CARD10: variants seen among roughly 807,000 people sequenced by gnomAD.
CARD10 encodes the protein caspase recruitment domain-containing protein 10.
CARD10 carries 49 observed loss-of-function variants against 114.6 expected under a neutral mutation model. The observed-to-expected ratio is 0.43, with a 90% CI of 0.34 to 0.54. CARD10 has a LOEUF of 0.54. Among genes scored for constraint, CARD10 ranks in the 20% least tolerant of loss-of-function variants. The pLI, the probability that CARD10 is intolerant of heterozygous loss-of-function variation, is 0.03. For synonymous variants in CARD10, 602 were observed against 593.2 expected (o/e 1.01, Z -0.21); for missense variants, 1,206 against 1,397.2 (o/e 0.86, Z 2.18).
In CARD10 at chr22:37,519,401, G is replaced by C; in HGVS notation, c.-201C>G. On this transcript the variant is annotated 5_prime_UTR_variant, in exon 1 of 20. Coordinates refer to ENST00000251973, the MANE Select transcript of CARD10 (RefSeq NM_014550.4). This position sits in a 1 kb window ranked among gnomAD's most constrained non-coding sequence, Gnocchi z 4.1. ...CCGCACTCGGGCGGCGGCTCCGCCG[G>C]CGCAGGGGGGCGGTGCCCGTGGCGC... The C allele has an allele frequency of 8.4e-7, 1 of 1,189,744 alleles. No homozygotes were observed. The highest frequency in any genetic ancestry group is 1.0e-6 in the Non-Finnish European group (1 of 961,234). 73.7% of individuals were successfully genotyped at this position (1,189,744 alleles called of 1,614,324 possible).
At chr22:37,518,161 T>G (rs1344087918) in intron 1 of CARD10, 53 bp from the exon 2 acceptor site, 1 of 1,581,756 alleles carries the variant, frequency 6.3e-7, no homozygotes, top group African/African-American at 1.3e-5. Flanking sequence ...CCTCCCCAGG[T>G]GCCTGGTTGC....
At chr22:37,509,140 A>C in intron 4 of CARD10, 1 of 1,485,130 alleles carries the variant, frequency 6.7e-7, no homozygotes, top group African/African-American at 1.4e-5. Context: ...CCCACACCCC[A>C]GCCAAGTGCC....
intron 11 of CARD10, among the ~76,000 whole-genome samples, chr22:37,500,998 C>G (rs1184433265): frequency 6.6e-6 from 1 of 152,100 alleles, no homozygotes; most frequent in Non-Finnish European, 1.5e-5. Flanking sequence ...CAAGGTCCCA[C>G]AGTAGCAAGT....
intron 11 of CARD10, 65 bp downstream of exon 11, chr22:37,502,537 A>C (rs1159673558): frequency 1.3e-6 from 2 of 1,544,092 alleles, no homozygotes; most frequent in African/African-American, 2.8e-5. Flanking sequence ...TGCTCCTCCC[A>C]CCTCACTCCT....
intron 3 of CARD10, among the ~76,000 whole-genome samples, chr22:37,512,544 A>G (rs935488483): frequency 6.7e-6 from 1 of 149,388 alleles, no homozygotes; most frequent in Admixed American, 6.7e-5. Flanking sequence ...GGGTCAGGCA[A>G]TTCTACAAAT....
intron 3 of CARD10, chr22:37,512,318 T>C (rs1400921702): frequency 6.6e-6 from 1 of 152,074 alleles, no homozygotes; most frequent in Non-Finnish European, 1.5e-5. Flanking sequence ...GGCCATAAAA[T>C]GAAGTCATTG....
rs1325234114 is a variant in CARD10 at position 37,519,207 on chromosome 22, G to A, written c.-7C>T. 3 of 1,510,110 alleles carry A rather than the reference G, an allele frequency of 2.0e-6. No individual in the cohort carries two copies. The highest frequency in any genetic ancestry group is 2.6e-6 in the Non-Finnish European group (3 of 1,132,746). 93.5% of individuals were successfully genotyped at this position (1,510,110 alleles called of 1,614,324 possible). On this transcript the variant is annotated 5_prime_UTR_variant, in exon 1 of 20. Coordinates refer to ENST00000251973, the MANE Select transcript of CARD10 (RefSeq NM_014550.4). The surrounding 1 kb of genome is among the most constrained non-coding windows in gnomAD (Gnocchi z 4.1). The stretch of plus-strand genomic sequence containing the variant: ...CCTCCGCCCGGCCCGGCATGGCCGT[G>A]TCCTCAGGGTCTGCGGGCAAGAGGC...
At chr22:37,517,740 C>T (rs1294457049) in intron 2 of CARD10, among the ~76,000 whole-genome samples, 2 of 152,140 alleles carry the variant, frequency 1.3e-5, no homozygotes, top group African/African-American at 2.4e-5. Context: ...AACAGTATCA[C>T]GAAGAAAGAG....
Position 37,518,089 on chromosome 22 carries a change from C to T in CARD10, c.255G>A (p.Leu85=). ...CATAGCCCCTCTTGCCACGGCAGCGCAAGATGTCCATCAGGCGCCCTACAG... is the reference window on the plus strand; with the variant it reads ...CATAGCCCCTCTTGCCACGGCAGCGTAAGATGTCCATCAGGCGCCCTACAG... ...VNRTGRLMDI[L]RCRGKRGYEA... The change falls in exon 2 of 20, where the codon TTG becomes TTA. Residue 85 remains leucine (L), a synonymous_variant. Coordinates refer to ENST00000251973, the MANE Select transcript of CARD10 (RefSeq NM_014550.4). 6.2e-7 allele frequency: 1 copy of T among 1,613,900 alleles called. No individual in the cohort carries two copies. Among genetic ancestry groups the T allele is most frequent in the Non-Finnish European group, 8.5e-7 (1 of 1,179,900 alleles).
At chr22:37,510,445 C>T (rs1601817339) in intron 3 of CARD10, 24 bp from the exon 4 acceptor site, 1 of 1,607,262 alleles carries the variant, frequency 6.2e-7, no homozygotes, top group Non-Finnish European at 8.5e-7. Context: ...CATGGGTCAG[C>T]CCAGAGGGAG....
At chr22:37,508,935 G>T in intron 4 of CARD10, 1 of 1,484,038 alleles carries the variant, frequency 6.7e-7, no homozygotes, top group South Asian at 1.2e-5. Context: ...AGAAGGGTGT[G>T]ACTGGACAAG....
chr22:37,518,286 G>A (rs1274845137), intron 1 of CARD10, among the ~76,000 whole-genome samples, 178 bp from the exon 2 acceptor site: 3 of 152,116 alleles, frequency 2.0e-5, no homozygotes, highest in Non-Finnish European at 4.4e-5. Flanking sequence ...GCCACAGCCA[G>A]GGGAGCACAT....
Position 37,497,108 on chromosome 22 carries a change from C to T in CARD10, c.1858G>A (p.Gly620Arg). 6.2e-7 allele frequency: 1 copy of T among 1,614,254 alleles called. No homozygotes were observed. The highest frequency in any genetic ancestry group is 8.5e-7 in the Non-Finnish European group (1 of 1,180,048). ...GPEPQDKGPD[G>R]LSFYGDRWSG... ...CATCTGTCCCCATAAAACGACAGTC[C>T]ATCTGGTCCCTTGTCCTGCGGCTCT... Residue 620 changes from glycine (G) to arginine (R), a missense_variant, in exon 12 of 20, where the codon GGA (glycine) becomes AGA (arginine). Physicochemically the swap from Gly to Arg is moderately radical, Grantham distance 125. This residue lies in a region of CARD10 where 1,068 missense variants were observed against 1,179.1 expected (regional missense o/e 0.91). Transcript: ENST00000251973.
At position 37,513,914 on chromosome 22, in the gene CARD10, C is replaced by A. The variant is rs183319329; in HGVS notation, c.699+2059G>T. Reference sequence around the variant, plus strand: ...AGGAGTTTGACACCAGCCTGGCTAACATGGTGAAACCCCATCTCTACTAAA... The same window carrying A: ...AGGAGTTTGACACCAGCCTGGCTAAAATGGTGAAACCCCATCTCTACTAAA... On this transcript the variant is annotated intron_variant, in intron 3 of 19. Coordinates refer to ENST00000251973, the MANE Select transcript of CARD10 (RefSeq NM_014550.4). Among the ~76,000 whole-genome samples the A allele has an allele frequency of 1.0e-3, 154 of 151,620 alleles. No individual in the cohort carries two copies. In the Middle Eastern group the frequency reaches 0.014, roughly 13 times the overall value.
intron 3 of CARD10, among the ~76,000 whole-genome samples, chr22:37,510,924 A>G (rs1447162609): frequency 6.6e-6 from 1 of 152,096 alleles, no homozygotes; most frequent in East Asian, 1.9e-4. Context: ...TCTACTAAAA[A>G]TACAAAAATG....
chr22:37,508,571 C>T lies in CARD10; in HGVS notation c.1021G>A (p.Ala341Thr), dbSNP rs757664910. ...GCCCACTGCAGCTCCCCCTGCACGG[C>T]ATGCAGCTTCTGGCACAGCTCCTGC... ...SRQELCQKLH[A>T]VQGELQWAEE... The change falls in exon 5 of 20, where the codon GCC becomes ACC. Residue 341 changes from alanine (A) to threonine (T), a missense_variant. By Grantham distance (58) the Ala-to-Thr change is moderately conservative (BLOSUM62 0). This residue lies in a region of CARD10 where 1,068 missense variants were observed against 1,179.1 expected (regional missense o/e 0.91). Transcript: ENST00000251973. 4 of 1,597,620 alleles carry T rather than the reference C, an allele frequency of 2.5e-6. No individual in the cohort carries two copies. In the African/African-American group the frequency reaches 5.3e-5, roughly 21 times the overall value.
chr22:37,499,953 C>G (rs1923153170), intron 11 of CARD10, among the ~76,000 whole-genome samples: 1 of 152,224 alleles, frequency 6.6e-6, no homozygotes, highest in Admixed American at 6.5e-5. Context: ...TCCCAGCCCC[C>G]TCCCCAGTCA....
intron 16 of CARD10, 27 bp downstream of exon 16, chr22:37,494,059 G>C (rs952277853): frequency 1.4e-6 from 2 of 1,472,306 alleles, no homozygotes; most frequent in Middle Eastern, 1.7e-4. Flanking sequence ...AGCAACACGG[G>C]ATACAGCTTT....
At position 37,495,505 on chromosome 22, in the gene CARD10, A is replaced by G. The variant is rs1384037579; in HGVS notation, c.2373+12T>C. The G allele has an allele frequency of 1.2e-6, 2 of 1,604,292 alleles. No individual in the cohort carries two copies. The highest frequency in any genetic ancestry group is 1.7e-6 in the Non-Finnish European group (2 of 1,176,206). Reference sequence around the variant, plus strand: ...GGGGCCCCCCACCCACTACCTGCCCAGCCGTGCTCACATTACTGCGGGGGC... The same window carrying G: ...GGGGCCCCCCACCCACTACCTGCCCGGCCGTGCTCACATTACTGCGGGGGC... On this transcript the variant is annotated intron_variant, in intron 15 of 19. Coordinates refer to ENST00000251973, the MANE Select transcript of CARD10 (RefSeq NM_014550.4).
Sources: allele counts gnomAD v4.1 joint callset (sites outside exome capture counted in the v4.1 genomes callset), GRCh38; gene constraint gnomAD v4.1.1; regional missense constraint gnomAD v4.1.1; non-coding constraint Gnocchi (gnomAD v3.1); transcripts MANE v1.5; gene names NCBI Gene and HGNC (gene_info 2026-07-23, HGNC 2026-07-21).